TRIM39: variants seen among roughly 807,000 people sequenced by gnomAD.
The protein encoded by TRIM39 is tripartite motif containing 39, also known as E3 ubiquitin-protein ligase TRIM39.
In TRIM39, 5 loss-of-function variants were observed where a neutral mutation model predicts 53.6. The ratio of observed to expected loss-of-function variants is 0.09; its 90% CI spans 0.05 to 0.20. The LOEUF is 0.20. TRIM39 is among the 10% of genes least tolerant of loss of function. TRIM39 has a pLI of 1.00. For synonymous variants in TRIM39, 196 were observed against 237.6 expected, an observed-to-expected ratio of 0.82 and a Z score of 1.61; for missense variants, 310 against 621.0, an observed-to-expected ratio of 0.50 and a Z score of 5.32.
rs1013724819 is a variant in TRIM39, at chr6:30,335,317, G to T, written c.550-428G>T. Among the ~76,000 whole-genome samples the T allele has an allele frequency of 6.6e-6, 1 of 151,698 alleles. No individual in the cohort carries two copies. The highest frequency in any genetic ancestry group is 2.4e-5 in the African/African-American group (1 of 41,264). ...CTTTTCTTTCTGTCTTTGTCTTTCTGTCTTTCTTTCCTGTCTGTCTGTCTT... is the reference window on the plus strand; with the variant it reads ...CTTTTCTTTCTGTCTTTGTCTTTCTTTCTTTCTTTCCTGTCTGTCTGTCTT... On this transcript the variant is annotated intron_variant, in intron 4 of 7. Coordinates refer to ENST00000396551, the Ensembl canonical transcript of TRIM39. This position sits in a 1 kb window ranked among gnomAD's most constrained non-coding sequence, Gnocchi z 4.7.
At position 30,338,720 on chromosome 6, in the gene TRIM39, T is replaced by G. The variant is rs1003208744; in HGVS notation, c.781-1188T>G. ...GCCAGTAGACTTGCTCAACACAGGT[T>G]GCCACAAACCATCTATCTGAAAAAC... On this transcript the variant is annotated intron_variant, in intron 5 of 7. Coordinates refer to ENST00000396551, the Ensembl canonical transcript of TRIM39. The surrounding 1 kb of genome is among the most constrained non-coding windows in gnomAD (Gnocchi z 4.0). 6.3e-4 allele frequency among the ~76,000 whole-genome samples: 95 copies of G among 151,798 alleles called. No homozygotes were observed. Among genetic ancestry groups the G allele is most frequent in the African/African-American group, 1.9e-3 (79 of 41,274 alleles).
chr6:30,328,294 C>T (rs1110464), intron 1 of TRIM39, among the ~76,000 whole-genome samples: 102,964 of 151,724 alleles, frequency 0.68, 36,062 homozygotes, highest in African/African-American at 0.87. Flanking sequence ...TTCAAGAAGT[C>T]GTTGGCCTGA....
At chr6:30,326,893 T>G (rs1392923438) in exon 1 of TRIM39, 1 of 151,814 alleles carries the variant, frequency 6.6e-6, no homozygotes, top group Non-Finnish European at 1.5e-5. Flanking sequence ...TTCCGGCGAG[T>G]ATTGTGTGTC....
chr6:30,341,668 A>G (rs746489858), intron 7 of TRIM39, 44 bp from the exon 8 acceptor site: 2 of 1,572,046 alleles, frequency 1.3e-6, no homozygotes, highest in East Asian at 2.3e-5. Flanking sequence ...GCATTTAGCT[A>G]TTCCCATCCT....
chr6:30,341,556 T>G, intron 7 of TRIM39, 156 bp from the exon 8 acceptor site: 1 of 1,120,676 alleles, frequency 8.9e-7, no homozygotes, highest in East Asian at 2.6e-5. Context: ...CTCCCCTTCC[T>G]TAGGTGACAC....
rs929954900 is a variant in TRIM39, at chr6:30,340,497, C to T, written c.804-8C>T. The T allele has an allele frequency of 2.5e-6, 4 of 1,612,844 alleles. No homozygotes were observed. The African/African-American group carries it at 5.3e-5, about 22-fold the overall frequency. On this transcript the variant is annotated splice_region_variant and splice_polypyrimidine_tract_variant and intron_variant, in intron 6 of 7. Transcript: ENST00000396551. ...CCCTTTCTTCCCCTATCTCCCTATCCCTCCTAGATGTGAAAAGGTGAAGAC... is the reference window on the plus strand; with the variant it reads ...CCCTTTCTTCCCCTATCTCCCTATCTCTCCTAGATGTGAAAAGGTGAAGAC...
exon 8 of TRIM39, chr6:30,341,896 G>A: frequency 6.2e-7 from 1 of 1,613,068 alleles, no homozygotes; most frequent in Non-Finnish European, 8.5e-7. Context: ...GGGAGGTGGA[G>A]GTGGGCGACA....
intron 5 of TRIM39, among the ~76,000 whole-genome samples, chr6:30,337,335 G>A (rs893020729): frequency 6.6e-6 from 1 of 152,112 alleles, no homozygotes; most frequent in African/African-American, 2.4e-5. Flanking sequence ...AACCCGAGAG[G>A]CAGAGGTTGC....
In TRIM39 at chr6:30,339,210, A is replaced by G. The variant is rs1277356113; in HGVS notation, c.781-698A>G. 6.6e-6 allele frequency among the ~76,000 whole-genome samples: 1 copy of G among 151,380 alleles called. No homozygotes were observed. Among genetic ancestry groups the G allele is most frequent in the Non-Finnish European group, 1.5e-5 (1 of 67,914 alleles). On this transcript the variant is annotated intron_variant, in intron 5 of 7. Coordinates refer to ENST00000396551, the Ensembl canonical transcript of TRIM39. This position sits in a 1 kb window ranked among gnomAD's most constrained non-coding sequence, Gnocchi z 4.2. ...TGTCGCCCAGGCTGGAGTGCAGTGCATGATCTCGGCTCACTGCAACCTTTG... is the reference window on the plus strand; with the variant it reads ...TGTCGCCCAGGCTGGAGTGCAGTGCGTGATCTCGGCTCACTGCAACCTTTG...
intron 4 of TRIM39, among the ~76,000 whole-genome samples, chr6:30,334,179 A>T (rs1387447376): frequency 2.0e-5 from 3 of 152,204 alleles, no homozygotes; most frequent in Non-Finnish European, 2.9e-5. Context: ...TGTCAGGCCC[A>T]TCCTGGCTTT....
exon 3 of TRIM39, chr6:30,329,585 A>G (rs746532134): frequency 2.4e-5 from 38 of 1,612,966 alleles, no homozygotes; most frequent in Non-Finnish European, 3.2e-5. Flanking sequence ...TATGGTGGAA[A>G]TTGCCAAGCA....
exon 3 of TRIM39, chr6:30,329,350 C>T: frequency 6.2e-7 from 1 of 1,613,018 alleles, no homozygotes; most frequent in South Asian, 1.1e-5. Context: ...AGGCTGGGGC[C>T]TCTGCAGCCT....
chr6:30,339,116 A>G lies in TRIM39; in HGVS notation c.781-792A>G, dbSNP rs773147446. 3.3e-5 allele frequency among the ~76,000 whole-genome samples: 5 copies of G among 150,704 alleles called. No homozygotes were observed. Among genetic ancestry groups the G allele is most frequent in the Admixed American group, 6.6e-5 (1 of 15,122 alleles). On this transcript the variant is annotated intron_variant, in intron 5 of 7. Coordinates refer to ENST00000396551, the Ensembl canonical transcript of TRIM39. This position sits in a 1 kb window ranked among gnomAD's most constrained non-coding sequence, Gnocchi z 4.2. The stretch of plus-strand genomic sequence containing the variant: ...TCTTCTGGACCCCAAGTATTCACAA[A>G]TCAGTATTAGCACACAGTTATTAAT...
At chr6:30,327,614 C>G (rs1298703605) in intron 1 of TRIM39, 1 of 152,462 alleles carries the variant, frequency 6.6e-6, no homozygotes, top group Non-Finnish European at 1.5e-5. Context: ...TTCCCTAACC[C>G]TTTCCCCATT....
rs746691124 is a variant in TRIM39 at position 30,340,556 on chromosome 6, A to G, written c.855A>G (p.Glu285=). The change falls in exon 7 of 8, where the codon GAA becomes GAG. Residue 285 remains glutamate, a synonymous_variant. Coordinates refer to ENST00000396551, the Ensembl canonical transcript of TRIM39. ...TGACTTCAGTATCCATAGAGCTGGA[A>G]AAGAACTTCAGCAATTTTCCCCGAC... 4 of 1,613,108 alleles carry G rather than the reference A, an allele frequency of 2.5e-6. No individual in the cohort carries two copies. In the South Asian group the frequency reaches 4.4e-5, roughly 18 times the overall value.
At chr6:30,334,376 A>T (rs375736943) in intron 4 of TRIM39, among the ~76,000 whole-genome samples, 1 of 152,160 alleles carries the variant, frequency 6.6e-6, no homozygotes, top group East Asian at 1.9e-4. Flanking sequence ...AATTCTCAGA[A>T]AGTGTTATGG....
chr6:30,332,851 C>T (rs1786352609), intron 4 of TRIM39, among the ~76,000 whole-genome samples: 1 of 152,178 alleles, frequency 6.6e-6, no homozygotes, highest in Admixed American at 6.5e-5. Flanking sequence ...TGAATTCTCC[C>T]TCCTTCTCCC....
At chr6:30,330,290 G>T (rs1272280646) in intron 3 of TRIM39, among the ~76,000 whole-genome samples, 1 of 152,174 alleles carries the variant, frequency 6.6e-6, no homozygotes, top group Non-Finnish European at 1.5e-5. Flanking sequence ...TGAATAAAGG[G>T]AACAGAGATA....
In TRIM39 at chr6:30,339,829, G is replaced by A. The variant is rs1439967075; in HGVS notation, c.781-79G>A. 5 of 1,591,106 alleles carry A rather than the reference G, an allele frequency of 3.1e-6. No individual in the cohort carries two copies. Among genetic ancestry groups the A allele is most frequent in the Non-Finnish European group, 4.3e-6 (5 of 1,161,720 alleles). ...CCCTATTTTATAGCTGTGGAACTTT[G>A]GGGAGGAGGGGGAACCTTTTGCCTT... On this transcript the variant is annotated intron_variant, in intron 5 of 7. Coordinates refer to ENST00000396551, the Ensembl canonical transcript of TRIM39. The surrounding 1 kb of genome is among the most constrained non-coding windows in gnomAD (Gnocchi z 4.2).
Sources: allele counts gnomAD v4.1 joint callset (sites outside exome capture counted in the v4.1 genomes callset), GRCh38; gene constraint gnomAD v4.1.1; non-coding constraint Gnocchi (gnomAD v3.1); transcripts MANE v1.5; gene names NCBI Gene and HGNC (gene_info 2026-07-23, HGNC 2026-07-21).